The following HSD17B12 variants were observed in gnomAD, a reference collection of about 807,000 sequenced individuals.
HSD17B12 encodes hydroxysteroid 17-beta dehydrogenase 12, also known as very-long-chain 3-oxoacyl-CoA reductase.
Under a neutral mutation model 39.3 loss-of-function variants are expected in HSD17B12, and 32 were observed. The observed-to-expected ratio is 0.81, with a 90% CI of 0.61 to 1.09. The LOEUF (loss-of-function observed/expected upper bound fraction) is 1.09, where lower values mean the gene tolerates loss of function less well. Ranked by LOEUF, HSD17B12 falls within the 50% of genes least tolerant of loss-of-function variation. The pLI is 0.00. For missense variants in HSD17B12, 342 were observed against 382.9 expected (o/e 0.89, Z 0.89); for synonymous variants, 150 against 146.7 (o/e 1.02, Z -0.16).
chr11:43,775,629 T>A (rs1185466818), intron 3 of HSD17B12, among the ~76,000 whole-genome samples: 1 of 152,026 alleles, frequency 6.6e-6, no homozygotes, highest in African/African-American at 2.4e-5. Context: ...TTATTATACT[T>A]TAAGTTTTAG....
chr11:43,603,526 A>T, the HSD17B12 span, among the ~76,000 whole-genome samples: 1 of 152,220 alleles, frequency 6.6e-6, no homozygotes, highest in Non-Finnish European at 1.5e-5. Context: ...ACTGATGCAG[A>T]AGGAGACATG....
chr11:43,573,182 A>C, the HSD17B12 span, among the ~76,000 whole-genome samples: 1 of 152,208 alleles, frequency 6.6e-6, no homozygotes, highest in Non-Finnish European at 1.5e-5. Context: ...CAGGTTCCAC[A>C]TCAGTCTATT....
chr11:43,733,551 G>A lies in HSD17B12; in HGVS notation c.161-17360G>A, dbSNP rs116722265. 6.1e-3 allele frequency among the ~76,000 whole-genome samples: 927 copies of A among 152,302 alleles called. 9 individuals are homozygous for A. The highest frequency in any genetic ancestry group is 0.021 in the African/African-American group (874 of 41,558). On this transcript the variant is annotated intron_variant, in intron 1 of 10. Transcript: ENST00000278353. ...CCGAACTTAGGATTCTCTGTATTCT[G>A]TAGTGTAAATTGAGTGATACATTGA...
At chr11:43,720,520 C>A (rs1164122123) in intron 1 of HSD17B12, among the ~76,000 whole-genome samples, 1 of 152,188 alleles carries the variant, frequency 6.6e-6, no homozygotes, top group Non-Finnish European at 1.5e-5. Context: ...TGACTTTCCA[C>A]TTTTTCAGCC....
the HSD17B12 span, chr11:43,556,876 A>G: frequency 6.7e-6 from 1 of 148,156 alleles, no homozygotes; most frequent in African/African-American, 2.5e-5. Flanking sequence ...CCACCCCCTC[A>G]CCAGTCCTTC....
chr11:43,678,018 A>G (rs1293622395), upstream of HSD17B12, among the ~76,000 whole-genome samples: 1 of 152,230 alleles, frequency 6.6e-6, no homozygotes, highest in Admixed American at 6.5e-5. Flanking sequence ...ACTGTCTTTC[A>G]CAATGGTTGA....
At chr11:43,673,798 C>T in the HSD17B12 span, among the ~76,000 whole-genome samples, 96 of 152,240 alleles carry the variant, frequency 6.3e-4, no homozygotes, top group African/African-American at 2.2e-3. Flanking sequence ...GCATGAGCCA[C>T]GGCACCCAGC....
Position 43,681,423 on chromosome 11 carries a change from G to A in HSD17B12, c.160+436G>A, listed in dbSNP as rs188029272. On this transcript the variant is annotated intron_variant, in intron 1 of 10. Coordinates refer to ENST00000278353, the MANE Select transcript of HSD17B12 (RefSeq NM_016142.3). ...ATTGGCCCTGTGCTAAGGATGCAGAGCATTCTGTTAACATGTTTGGGCAGA... is the reference window on the plus strand; with the variant it reads ...ATTGGCCCTGTGCTAAGGATGCAGAACATTCTGTTAACATGTTTGGGCAGA... 555 of 156,586 alleles carry A rather than the reference G, an allele frequency of 3.5e-3. 1 individual carries two copies. The highest frequency in any genetic ancestry group is 6.0e-3 in the Admixed American group (94 of 15,796). The allele number at this position is 156,586 out of a possible 1,614,324, so 9.7% of individuals were successfully genotyped here.
chr11:43,745,831 C>T (rs1168847570), intron 1 of HSD17B12, among the ~76,000 whole-genome samples: 1 of 151,868 alleles, frequency 6.6e-6, no homozygotes, highest in Non-Finnish European at 1.5e-5. Flanking sequence ...ATGAGTTCAA[C>T]ATAGCAAGAC....
chr11:43,734,029 G>C (rs767452417), intron 1 of HSD17B12: 17 of 753,264 alleles, frequency 2.3e-5, no homozygotes, highest in Non-Finnish European at 3.6e-5. Context: ...AATATCACAC[G>C]GCGGATCCTC....
intron 1 of HSD17B12, among the ~76,000 whole-genome samples, chr11:43,701,961 A>G (rs1184521352): frequency 2.0e-5 from 3 of 152,156 alleles, no homozygotes; most frequent in Non-Finnish European, 4.4e-5. Context: ...CAATCCATGA[A>G]CATGGAATAT....
At chr11:43,847,222 AAGG>A (rs1252304604) in intron 9 of HSD17B12, among the ~76,000 whole-genome samples, 2 of 152,142 alleles carry the variant, frequency 1.3e-5, no homozygotes, top group Non-Finnish European at 2.9e-5. Flanking sequence ...TGCTCTTAAC[AAGG>A]AGATCATCTG....
rs554646441 is a variant in HSD17B12 at position 43,752,503 on chromosome 11, C to A, written c.208-1543C>A. Among the ~76,000 whole-genome samples, 333 of 152,152 alleles carry A rather than the reference C, an allele frequency of 2.2e-3. 1 individual carries two copies. The highest frequency in any genetic ancestry group is 7.7e-3 in the African/African-American group (318 of 41,510). Reference sequence around the variant, plus strand: ...CTGAGGTGGGTGGATCACCTGAGGTCAGGAGTTCAAGACCAGCCTGGCCAA... The same window carrying A: ...CTGAGGTGGGTGGATCACCTGAGGTAAGGAGTTCAAGACCAGCCTGGCCAA... On this transcript the variant is annotated intron_variant, in intron 2 of 10. Transcript: ENST00000278353.
intron 1 of HSD17B12, among the ~76,000 whole-genome samples, chr11:43,722,563 T>C (rs527423375): frequency 6.6e-6 from 1 of 151,876 alleles, no homozygotes; most frequent in Admixed American, 6.6e-5. Context: ...AATTTAAGAA[T>C]TGGCCAGGTG....
the HSD17B12 span, among the ~76,000 whole-genome samples, chr11:43,574,773 T>C: frequency 6.6e-6 from 1 of 152,186 alleles, no homozygotes; most frequent in Non-Finnish European, 1.5e-5. Flanking sequence ...AAAAAAGATA[T>C]CCTGGTCTTT....
At chr11:43,714,300 A>G (rs954583253) in intron 1 of HSD17B12, among the ~76,000 whole-genome samples, 2 of 152,190 alleles carry the variant, frequency 1.3e-5, no homozygotes, top group African/African-American at 4.8e-5. Flanking sequence ...TAATTTTTGT[A>G]TAAGATGTAA....
chr11:43,779,921 T>C (rs541551130), intron 3 of HSD17B12, among the ~76,000 whole-genome samples: 26 of 152,280 alleles, frequency 1.7e-4, no homozygotes, highest in African/African-American at 5.5e-4. Flanking sequence ...AAAGAAAACT[T>C]GGTTTCTTTT....
chr11:43,708,015 T>C lies in HSD17B12; in HGVS notation c.160+27028T>C, dbSNP rs529632339. Among the ~76,000 whole-genome samples the C allele has an allele frequency of 2.1e-4, 32 of 152,332 alleles. 1 individual carries two copies. In the South Asian group the frequency reaches 6.4e-3, roughly 31 times the overall value. ...TATCTTCACATGCTTGTGTCTTTTT[T>C]TGTAAGGGCATTAATCCCATTAATA... On this transcript the variant is annotated intron_variant, in intron 1 of 10. Coordinates refer to ENST00000278353, the MANE Select transcript of HSD17B12 (RefSeq NM_016142.3).
At chr11:43,774,038 A>G (rs1310421246) in intron 3 of HSD17B12, among the ~76,000 whole-genome samples, 1 of 152,200 alleles carries the variant, frequency 6.6e-6, no homozygotes, top group African/African-American at 2.4e-5. Flanking sequence ...TATAGAAACC[A>G]GGCTGGTGAT....
Sources: allele counts gnomAD v4.1 joint callset (sites outside exome capture counted in the v4.1 genomes callset), GRCh38; gene constraint gnomAD v4.1.1; transcripts MANE v1.5; gene names NCBI Gene and HGNC (gene_info 2026-07-23, HGNC 2026-07-21).